SLC24A2: variants seen among roughly 807,000 people sequenced by gnomAD.
The protein encoded by SLC24A2 is sodium/potassium/calcium exchanger 2.
In SLC24A2, 36 loss-of-function variants were observed where a neutral mutation model predicts 62.0. The observed-to-expected ratio is 0.58, with a 90% confidence interval of 0.44 to 0.77. The LOEUF (loss-of-function observed/expected upper bound fraction) is 0.77, where lower values mean the gene tolerates loss of function less well. SLC24A2 is among the 30% of genes least tolerant of loss of function. The pLI is 0.00. For synonymous variants in SLC24A2, 358 were observed against 294.0 expected, an observed-to-expected ratio of 1.22 and a Z score of -2.23; for missense variants, 846 against 817.9, an observed-to-expected ratio of 1.03 and a Z score of -0.42.
intron 2 of SLC24A2, among the ~76,000 whole-genome samples, chr9:19,647,318 C>G (rs759160046): frequency 6.6e-6 from 1 of 152,054 alleles, no homozygotes; most frequent in Non-Finnish European, 1.5e-5. Context: ...TTTTCTAAAT[C>G]TCAGAGAACT....
the SLC24A2 span, among the ~76,000 whole-genome samples, chr9:19,809,886 T>G: frequency 6.6e-6 from 1 of 152,250 alleles, no homozygotes; most frequent in African/African-American, 2.4e-5. Flanking sequence ...ACTTTCTCTT[T>G]TCTTTTACCT....
chr9:20,075,579 G>A, the SLC24A2 span, among the ~76,000 whole-genome samples: 1 of 152,108 alleles, frequency 6.6e-6, no homozygotes, highest in Non-Finnish European at 1.5e-5. Flanking sequence ...CCTTTTTATA[G>A]GCTATGAGTA....
the SLC24A2 span, among the ~76,000 whole-genome samples, chr9:20,031,272 C>A: frequency 3.5e-4 from 52 of 147,798 alleles, no homozygotes; most frequent in African/African-American, 1.2e-3. Context: ...TGTGTGTGTG[C>A]GCATATATAT....
the SLC24A2 span, among the ~76,000 whole-genome samples, chr9:20,041,719 G>A: frequency 6.6e-6 from 1 of 152,250 alleles, no homozygotes; most frequent in African/African-American, 2.4e-5. Context: ...GGAAAGATGG[G>A]CAGGGCTCAA....
At chr9:20,082,021 T>C in the SLC24A2 span, among the ~76,000 whole-genome samples, 1 of 152,098 alleles carries the variant, frequency 6.6e-6, no homozygotes, top group Non-Finnish European at 1.5e-5. Context: ...ACCTGAAAAA[T>C]ATTTTGACTT....
chr9:19,751,270 G>A (rs763756960), intron 2 of SLC24A2, among the ~76,000 whole-genome samples: 11 of 152,164 alleles, frequency 7.2e-5, no homozygotes, highest in Non-Finnish European at 1.5e-4. Context: ...AACCCTAGGA[G>A]GCCAGAGCTA....
the SLC24A2 span, among the ~76,000 whole-genome samples, chr9:20,262,390 A>T: frequency 6.6e-6 from 1 of 152,226 alleles, no homozygotes; most frequent in African/African-American, 2.4e-5. Flanking sequence ...ATGAGGACTG[A>T]AGACCAAGTG....
chr9:19,851,187 C>T, the SLC24A2 span, among the ~76,000 whole-genome samples: 1 of 149,680 alleles, frequency 6.7e-6, no homozygotes, highest in East Asian at 2.0e-4. Context: ...CCATGCCAGG[C>T]TAGTTTTTGT....
chr9:20,221,043 C>T, the SLC24A2 span, among the ~76,000 whole-genome samples: 3 of 152,080 alleles, frequency 2.0e-5, no homozygotes, highest in East Asian at 3.9e-4. Context: ...TCTGATTCTT[C>T]TAAGCATTCT....
At chr9:19,907,261 T>C in the SLC24A2 span, among the ~76,000 whole-genome samples, 3 of 152,188 alleles carry the variant, frequency 2.0e-5, no homozygotes, top group South Asian at 2.1e-4. Context: ...AAAAGGCCTT[T>C]GACAAAATTC....
At chr9:19,568,228 G>C (rs778542379) in intron 7 of SLC24A2, among the ~76,000 whole-genome samples, 1 of 152,176 alleles carries the variant, frequency 6.6e-6, no homozygotes, top group Non-Finnish European at 1.5e-5. Context: ...TTTTCCTACT[G>C]ACTCTGGAGG....
At chr9:20,029,185 T>C in the SLC24A2 span, among the ~76,000 whole-genome samples, 8 of 152,238 alleles carry the variant, frequency 5.3e-5, no homozygotes, top group South Asian at 6.2e-4. Flanking sequence ...CAAACCAGCA[T>C]GGTCTACACA....
the SLC24A2 span, among the ~76,000 whole-genome samples, chr9:19,803,708 A>T: frequency 6.6e-6 from 1 of 152,340 alleles, no homozygotes; most frequent in East Asian, 1.9e-4. Flanking sequence ...GAAATGAGAT[A>T]ATAAAAATTA....
the SLC24A2 span, among the ~76,000 whole-genome samples, chr9:19,833,526 G>C: frequency 6.6e-6 from 1 of 152,250 alleles, no homozygotes; most frequent in South Asian, 2.1e-4. Context: ...GCGAGGCTGG[G>C]GGAGGGGCGC....
At chr9:19,846,231 T>G in the SLC24A2 span, among the ~76,000 whole-genome samples, 1 of 152,172 alleles carries the variant, frequency 6.6e-6, no homozygotes, top group Non-Finnish European at 1.5e-5. Context: ...GTCAAAATCT[T>G]TTTGTAGGTT....
At chr9:20,052,493 C>T in the SLC24A2 span, among the ~76,000 whole-genome samples, 19,530 of 152,180 alleles carry the variant, frequency 0.13, 1,238 homozygotes, top group East Asian at 0.17. Flanking sequence ...TTCAATTTGT[C>T]TCTAACTCCT....
intron 9 of SLC24A2, 107 bp downstream of exon 9, chr9:19,527,942 A>T: frequency 1.3e-6 from 1 of 749,690 alleles, no homozygotes; most frequent in Non-Finnish European, 2.4e-6. Flanking sequence ...TCTGTGTCAC[A>T]CCCAATACTG....
the SLC24A2 span, among the ~76,000 whole-genome samples, chr9:19,847,385 T>G: frequency 1.3e-5 from 2 of 152,206 alleles, no homozygotes; most frequent in Non-Finnish European, 2.9e-5. Context: ...TTATAATGTT[T>G]CTCTTTTAGC....
chr9:19,820,172 A>G, the SLC24A2 span, among the ~76,000 whole-genome samples: 1 of 149,632 alleles, frequency 6.7e-6, no homozygotes, highest in African/African-American at 2.5e-5. Flanking sequence ...TTCTAAGTGA[A>G]GTAACTCAGG....
Sources: allele counts gnomAD v4.1 joint callset (sites outside exome capture counted in the v4.1 genomes callset), GRCh38; gene constraint gnomAD v4.1.1; transcripts MANE v1.5; gene names NCBI Gene and HGNC (gene_info 2026-07-23, HGNC 2026-07-21).